The following CCSER1 variants were observed in gnomAD, a reference collection of about 807,000 sequenced individuals.
The protein encoded by CCSER1 is serine-rich coiled-coil domain-containing protein 1.
Under a neutral mutation model 82.0 loss-of-function variants are expected in CCSER1, and 41 were observed. The ratio of observed to expected loss-of-function variants is 0.50; its 90% CI spans 0.39 to 0.65. The LOEUF (loss-of-function observed/expected upper bound fraction) is 0.65. CCSER1 is among the 30% of genes least tolerant of loss of function. The pLI, the probability that CCSER1 is intolerant of heterozygous loss-of-function variation, is 0.00. For synonymous variants in CCSER1, 414 were observed against 383.9 expected (o/e 1.08, Z -0.92); for missense variants, 1,119 against 1,064.2 (o/e 1.05, Z -0.72).
chr4:91,415,375 C>T (rs1318046801), intron 10 of CCSER1, among the ~76,000 whole-genome samples: 1 of 152,100 alleles, frequency 6.6e-6, no homozygotes, highest in Non-Finnish European at 1.5e-5. Context: ...AATTTGACTT[C>T]CTCTGTTCCT....
chr4:91,455,868 C>T (rs1004818926), intron 10 of CCSER1, among the ~76,000 whole-genome samples: 3 of 151,914 alleles, frequency 2.0e-5, no homozygotes, highest in African/African-American at 7.3e-5. Flanking sequence ...GAATGGCTCA[C>T]GTTATTGAGA....
At chr4:90,203,318 G>A (rs1738125159) in intron 1 of CCSER1, among the ~76,000 whole-genome samples, 1 of 152,096 alleles carries the variant, frequency 6.6e-6, no homozygotes, top group African/African-American at 2.4e-5. Flanking sequence ...ATCTATATTA[G>A]GTATTTCTCC....
At chr4:90,251,420 G>C (rs1384287295) in intron 1 of CCSER1, among the ~76,000 whole-genome samples, 1 of 151,782 alleles carries the variant, frequency 6.6e-6, no homozygotes, top group African/African-American at 2.4e-5. Flanking sequence ...TTTGCTGAGA[G>C]TTTTTATCAT....
intron 10 of CCSER1, among the ~76,000 whole-genome samples, chr4:91,420,953 A>G (rs1188627812): frequency 6.6e-6 from 1 of 152,198 alleles, no homozygotes; most frequent in African/African-American, 2.4e-5. Context: ...ATAGCCAGAG[A>G]CAGAAAAACA....
intron 1 of CCSER1, among the ~76,000 whole-genome samples, chr4:90,239,606 G>A (rs1746462396): frequency 6.6e-6 from 1 of 152,046 alleles, no homozygotes; most frequent in Non-Finnish European, 1.5e-5. Context: ...GGCACAAACA[G>A]TCCTCCTGCC....
At chr4:91,409,207 C>T (rs1327329295) in intron 10 of CCSER1, among the ~76,000 whole-genome samples, 18 of 152,196 alleles carry the variant, frequency 1.2e-4, no homozygotes, top group Non-Finnish European at 4.4e-5. Flanking sequence ...TCTTAATAAA[C>T]TTTGCATTAG....
At chr4:90,306,777 C>T (rs1001558032) in intron 1 of CCSER1, among the ~76,000 whole-genome samples, 3 of 152,048 alleles carry the variant, frequency 2.0e-5, no homozygotes, top group Non-Finnish European at 2.9e-5. Flanking sequence ...AGAAATGAAA[C>T]AGAGTCTGAT....
chr4:91,327,763 G>A (rs559150419), intron 10 of CCSER1, among the ~76,000 whole-genome samples: 19 of 152,276 alleles, frequency 1.2e-4, no homozygotes, highest in South Asian at 4.1e-4. Context: ...TTCTGCAAAT[G>A]AGCATAGGCT....
chr4:90,502,441 A>G (rs1770037840), intron 5 of CCSER1, among the ~76,000 whole-genome samples: 1 of 152,150 alleles, frequency 6.6e-6, no homozygotes, highest in Non-Finnish European at 1.5e-5. Context: ...AACATTGGGG[A>G]TTTCAATTCA....
At chr4:90,868,589 A>G (rs998839411) in intron 8 of CCSER1, among the ~76,000 whole-genome samples, 2 of 151,810 alleles carry the variant, frequency 1.3e-5, no homozygotes, top group Admixed American at 6.6e-5. Flanking sequence ...CCTTTTCTTT[A>G]TCTGTTCCTC....
chr4:90,442,532 A>G (rs1353302481), intron 4 of CCSER1, among the ~76,000 whole-genome samples: 1 of 152,200 alleles, frequency 6.6e-6, no homozygotes, highest in Non-Finnish European at 1.5e-5. Context: ...ATCTGGGATC[A>G]AATGGTATTA....
intron 9 of CCSER1, among the ~76,000 whole-genome samples, chr4:91,003,667 G>A (rs1157303062): frequency 2.0e-5 from 3 of 152,104 alleles, no homozygotes; most frequent in Non-Finnish European, 2.9e-5. Flanking sequence ...AGCAGTTAGG[G>A]CTTTTGTTCT....
At chr4:91,371,895 AAAG>A (rs568147303) in intron 10 of CCSER1, among the ~76,000 whole-genome samples, 11 of 152,282 alleles carry the variant, frequency 7.2e-5, no homozygotes, top group African/African-American at 1.2e-4. Context: ...GACTTTATAA[AAAG>A]AAGAATGACA....
intron 10 of CCSER1, among the ~76,000 whole-genome samples, chr4:91,495,523 TAAAAA>T (rs564113241): frequency 3.8e-4 from 57 of 149,958 alleles, no homozygotes; most frequent in Admixed American, 7.4e-4. Flanking sequence ...AATTTAAACT[TAAAAA>T]AAAAGCAATA....
chr4:91,139,581 G>A (rs530005411), intron 10 of CCSER1, among the ~76,000 whole-genome samples: 5 of 152,256 alleles, frequency 3.3e-5, no homozygotes, highest in African/African-American at 1.2e-4. Flanking sequence ...GAACTTTGCA[G>A]GAATAGAGTG....
intron 10 of CCSER1, among the ~76,000 whole-genome samples, chr4:91,409,777 G>T (rs1326995783): frequency 1.3e-5 from 2 of 152,064 alleles, no homozygotes; most frequent in African/African-American, 4.8e-5. Context: ...CTGCCTCCTG[G>T]GTTCAAGCGA....
At chr4:91,577,756 A>ATAT (rs1262837612) in intron 10 of CCSER1, among the ~76,000 whole-genome samples, 3 of 152,046 alleles carry the variant, frequency 2.0e-5, no homozygotes, top group Admixed American at 2.0e-4. Context: ...ATTTCAGGAT[A>ATAT]TATTGGTTTC....
chr4:91,543,697 T>G (rs1761729598), intron 10 of CCSER1, among the ~76,000 whole-genome samples: 1 of 152,174 alleles, frequency 6.6e-6, no homozygotes, highest in South Asian at 2.1e-4. Context: ...CTTCCTTTTG[T>G]GGGTAACCCG....
intron 9 of CCSER1, among the ~76,000 whole-genome samples, chr4:91,027,104 C>G (rs1397284593): frequency 6.6e-6 from 1 of 151,922 alleles, no homozygotes; most frequent in African/African-American, 2.4e-5. Context: ...TAGAACTGGG[C>G]AAGATCAAAG....
Sources: allele counts gnomAD v4.1 joint callset (sites outside exome capture counted in the v4.1 genomes callset), GRCh38; gene constraint gnomAD v4.1.1; transcripts MANE v1.5; gene names NCBI Gene and HGNC (gene_info 2026-07-23, HGNC 2026-07-21).